The following SLC15A2 variants were observed in gnomAD, a reference collection of about 807,000 sequenced individuals.
SLC15A2 encodes kidney H(+)/peptide cotransporter.
In SLC15A2, 77 loss-of-function variants were observed where a neutral mutation model predicts 95.5. The ratio of observed to expected loss-of-function variants is 0.81; its 90% confidence interval spans 0.67 to 0.97. The LOEUF (loss-of-function observed/expected upper bound fraction) is 0.97, where lower values mean the gene tolerates loss of function less well. Ranked by LOEUF, SLC15A2 falls within the 50% of genes least tolerant of loss-of-function variation. SLC15A2 has a pLI of 0.00. For missense variants in SLC15A2, 893 were observed against 874.4 expected (o/e 1.02, Z -0.27); for synonymous variants, 306 against 306.9 (o/e 1.00, Z 0.03).
At chr3:121,928,614 C>T (rs1473688621) in intron 15 of SLC15A2, 59 bp downstream of exon 15, 37 of 1,548,548 alleles carry the variant, frequency 2.4e-5, no homozygotes, top group Non-Finnish European at 3.0e-5. Flanking sequence ...CTTGATTTTT[C>T]CTTAACATTA....
intron 3 of SLC15A2, among the ~76,000 whole-genome samples, chr3:121,907,178 G>A (rs551132381): frequency 6.6e-5 from 10 of 151,524 alleles, no homozygotes; most frequent in South Asian, 4.2e-4. Context: ...CATAGTTCTC[G>A]TGCCATGGTT....
intron 3 of SLC15A2, among the ~76,000 whole-genome samples, chr3:121,898,361 A>C (rs1053400888): frequency 6.6e-6 from 1 of 151,972 alleles, no homozygotes; most frequent in Non-Finnish European, 1.5e-5. Flanking sequence ...CATGAGTTAG[A>C]CTATTGGTTC....
chr3:121,914,044 T>A (rs1709828606), intron 5 of SLC15A2, among the ~76,000 whole-genome samples: 1 of 152,104 alleles, frequency 6.6e-6, no homozygotes, highest in Non-Finnish European at 1.5e-5. Context: ...TCCTGTCCTG[T>A]CTTCCAGTGT....
At position 121,907,194 on chromosome 3, in the gene SLC15A2, C is replaced by G. The variant is rs561370218; in HGVS notation, c.336-4380C>G. On this transcript the variant is annotated intron_variant, in intron 3 of 21. Transcript: ENST00000489711. ...ATAGTTCTCGTGCCATGGTTTTCAG[C>G]TCCATCAGGTCATTTAAAGTCTTCT... is the stretch of plus-strand genomic sequence containing the variant. 1.3e-5 allele frequency among the ~76,000 whole-genome samples: 2 copies of G among 151,050 alleles called. 1 individual carries two copies. The highest frequency in any genetic ancestry group is 3.9e-4 in the East Asian group (2 of 5,076).
chr3:121,924,534 C>T, intron 12 of SLC15A2, 151 bp downstream of exon 12: 1 of 752,572 alleles, frequency 1.3e-6, no homozygotes, highest in Non-Finnish European at 2.3e-6. Flanking sequence ...CCCATTAAGC[C>T]CCACCCTTCT....
intron 19 of SLC15A2, among the ~76,000 whole-genome samples, chr3:121,934,872 C>T (rs1559854403): frequency 1.3e-5 from 2 of 151,656 alleles, no homozygotes; most frequent in Admixed American, 6.6e-5. Context: ...CCAGTTTTTG[C>T]CCATTCAGTA....
chr3:121,925,729 T>C (rs1710103796), intron 13 of SLC15A2, among the ~76,000 whole-genome samples: 1 of 5,234 alleles, frequency 1.9e-4, no homozygotes, highest in Admixed American at 2.9e-3. Context: ...GGCTAGACTA[T>C]ATATATATAT....
chr3:121,924,419 G>C lies in SLC15A2; in HGVS notation c.1035+36G>C, dbSNP rs753604781. 3.1e-6 allele frequency: 5 copies of C among 1,591,764 alleles called. No individual in the cohort carries two copies. The South Asian group carries it at 5.6e-5, about 18-fold the overall frequency. On this transcript the variant is annotated intron_variant, in intron 12 of 21. Coordinates refer to ENST00000489711, the MANE Select transcript of SLC15A2 (RefSeq NM_021082.4). ...CTTCTATAGCCATGGGGACTTATTT[G>C]TTTCCTTATCTATGCCTCCACCTGC...
chr3:121,914,873 AAAC>A, intron 5 of SLC15A2: 17 of 445,828 alleles, frequency 3.8e-5, no homozygotes, highest in South Asian at 8.0e-5. Flanking sequence ...AAAAAAAAAA[AAAC>A]CACAAACACA....
chr3:121,894,416 C>G lies in SLC15A2; in HGVS notation c.-61C>G, dbSNP rs1368119869. The G allele has an allele frequency of 3.1e-6, 4 of 1,294,088 alleles. No individual in the cohort carries two copies. The highest frequency in any genetic ancestry group is 1.9e-4 in the Middle Eastern group (1 of 5,316). The allele number at this position is 1,294,088 out of a possible 1,614,324, so 80.2% of individuals were successfully genotyped here. A position where few individuals can be genotyped will look rare whatever the true frequency, so the allele number is the denominator to read the frequency against. ...CCTTCTTTTCAGAGTAGGCTGGCAGCTGTCCTAACTGCCTACTAAAGCCAA... is the reference window on the plus strand; with the variant it reads ...CCTTCTTTTCAGAGTAGGCTGGCAGGTGTCCTAACTGCCTACTAAAGCCAA... On this transcript the variant is annotated 5_prime_UTR_variant, in exon 1 of 22. Coordinates refer to ENST00000489711, the MANE Select transcript of SLC15A2 (RefSeq NM_021082.4).
At chr3:121,912,626 T>C (rs1358340359) in intron 4 of SLC15A2, among the ~76,000 whole-genome samples, 2 of 152,176 alleles carry the variant, frequency 1.3e-5, no homozygotes, top group African/African-American at 4.8e-5. Context: ...ACATTTTTTT[T>C]TAAATTTTGG....
At chr3:121,905,679 G>A (rs1365216674) in intron 3 of SLC15A2, among the ~76,000 whole-genome samples, 1 of 152,148 alleles carries the variant, frequency 6.6e-6, no homozygotes, top group Non-Finnish European at 1.5e-5. Context: ...TCTTAATCCT[G>A]AGTTCTAATT....
intron 5 of SLC15A2, 43 bp from the exon 6 acceptor site, chr3:121,915,184 C>A: frequency 6.9e-7 from 1 of 1,454,634 alleles, no homozygotes; most frequent in Non-Finnish European, 9.7e-7. Context: ...GGGGCTGGAG[C>A]TAGGGGACAC....
Position 121,915,254 on chromosome 3 carries a change from G to A in SLC15A2, c.556G>A (p.Val186Ile), listed in dbSNP as rs756123469. 2 of 1,613,628 alleles carry A rather than the reference G, an allele frequency of 1.2e-6. No individual in the cohort carries two copies. Among genetic ancestry groups the A allele is most frequent in the Non-Finnish European group, 1.7e-6 (2 of 1,179,702 alleles). ...AGAGGAACGGACTAGATACTTCTCA[G>A]TCTTCTACCTGTCCATCAATGCAGG... ...HAEERTRYFSVFYLSINAGSL... is the reference protein window; with the variant it reads ...HAEERTRYFSIFYLSINAGSL... Residue 186 changes from valine to isoleucine, a missense_variant, in exon 6 of 22, where the codon GTC (valine) becomes ATC (isoleucine). Physicochemically the swap from Val to Ile is conservative, Grantham distance 29 (BLOSUM62 3). Transcript: ENST00000489711.
chr3:121,913,775 G>A (rs943485199), intron 5 of SLC15A2, among the ~76,000 whole-genome samples: 1 of 152,160 alleles, frequency 6.6e-6, no homozygotes, highest in Non-Finnish European at 1.5e-5. Flanking sequence ...GTGACAAATA[G>A]GCAAGGAAAT....
At chr3:121,931,007 C>A (rs897189166) in intron 18 of SLC15A2, 57 bp downstream of exon 18, 14 of 1,168,946 alleles carry the variant, frequency 1.2e-5, no homozygotes, top group Non-Finnish European at 1.8e-5. Flanking sequence ...TTTTTAAGTG[C>A]TATCTTTGTA....
intron 13 of SLC15A2, among the ~76,000 whole-genome samples, chr3:121,926,229 T>G (rs2700425): frequency 0.45 from 67,771 of 151,866 alleles, 15,659 homozygotes; most frequent in East Asian, 0.7. Context: ...TCAAATCTCA[T>G]GTTGAAATGT....
In SLC15A2 at chr3:121,896,479, A is replaced by G. The variant is rs747437615; in HGVS notation, c.179A>G (p.Tyr60Cys). 10 of 1,613,894 alleles carry G rather than the reference A, an allele frequency of 6.2e-6. No homozygotes were observed. The highest frequency in any genetic ancestry group is 3.3e-5 in the South Asian group (3 of 91,082). Reference sequence around the variant, plus strand: ...AATGAATTCTGCGAGCGCTTTTCCTATTATGGAATGAAAGGTAATTTTGTG... The same window carrying G: ...AATGAATTCTGCGAGCGCTTTTCCTGTTATGGAATGAAAGGTAATTTTGTG... ...VVNEFCERFS[Y>C]YGMKAVLILY... The change falls in exon 2 of 22, where the codon TAT becomes TGT. Residue 60 changes from tyrosine (Y) to cysteine (C), a missense_variant. Coordinates refer to ENST00000489711, the MANE Select transcript of SLC15A2 (RefSeq NM_021082.4).
chr3:121,914,746 C>T (rs1709846813), intron 5 of SLC15A2, among the ~76,000 whole-genome samples: 2 of 151,214 alleles, frequency 1.3e-5, no homozygotes, highest in South Asian at 2.1e-4. Flanking sequence ...AAAACAGACA[C>T]TTACGGGAGG....
Sources: allele counts gnomAD v4.1 joint callset (sites outside exome capture counted in the v4.1 genomes callset), GRCh38; gene constraint gnomAD v4.1.1; transcripts MANE v1.5; gene names NCBI Gene and HGNC (gene_info 2026-07-23, HGNC 2026-07-21).